Variants in MTUS2 observed in about 807,000 individuals in gnomAD.
The protein encoded by MTUS2 is microtubule-associated tumor suppressor candidate 2.
A neutral mutation model predicts 114.1 loss-of-function variants in MTUS2; 40 were observed. That is an observed-to-expected ratio of 0.35 (90% CI 0.27 to 0.46). The LOEUF (loss-of-function observed/expected upper bound fraction) is 0.46, where lower values mean the gene tolerates loss of function less well. Among genes scored for constraint, MTUS2 ranks in the 20% least tolerant of loss-of-function variants. MTUS2 has a pLI of 1.00. For synonymous variants in MTUS2, 688 were observed against 672.0 expected, an observed-to-expected ratio of 1.02 and a Z score of -0.37; for missense variants, 1,679 against 1,705.4, an observed-to-expected ratio of 0.98 and a Z score of 0.27.
intron 9 of MTUS2, among the ~76,000 whole-genome samples, chr13:29,456,954 G>A (rs1035255875): frequency 4.0e-5 from 6 of 151,576 alleles, no homozygotes; most frequent in East Asian, 1.9e-4. Flanking sequence ...TGGCTAACAT[G>A]GTGAAACCCC....
chr13:29,232,316 ACACACACG>A lies in MTUS2; in HGVS notation c.2645-49381_2645-49374del, dbSNP rs1566080991. Among the ~76,000 whole-genome samples, 21 of 20,658 alleles carry A rather than the reference ACACACACG, an allele frequency of 1.0e-3. No individual in the cohort carries two copies. The East Asian group carries it at 0.014, about 13-fold the overall frequency. 13.6% of individuals were successfully genotyped at this position (20,658 alleles called of 152,430 possible). ...CACACACGCGCGCGCGCACACACAC[ACACACACG>A]CACACATACACATATGGGCACACAC... On this transcript the variant is annotated intron_variant, in intron 5 of 15. Transcript: ENST00000612955.
intron 5 of MTUS2, among the ~76,000 whole-genome samples, chr13:29,206,094 A>C (rs1895173965): frequency 6.6e-6 from 1 of 152,090 alleles, no homozygotes; most frequent in African/African-American, 2.4e-5. Flanking sequence ...TTTTTTGATT[A>C]TGGCCGTTCT....
intron 2 of MTUS2, among the ~76,000 whole-genome samples, chr13:28,996,396 G>A (rs1307313870): frequency 6.6e-6 from 1 of 152,166 alleles, no homozygotes; most frequent in Non-Finnish European, 1.5e-5. Context: ...TTGGTATCAG[G>A]ATGATGCTGG....
At chr13:29,307,041 T>C (rs1370074449) in intron 6 of MTUS2, 5 of 520,062 alleles carry the variant, frequency 9.6e-6, no homozygotes, top group Non-Finnish European at 1.9e-5. Context: ...TCAAATGGGG[T>C]GATGCTGGCA....
intron 5 of MTUS2, among the ~76,000 whole-genome samples, chr13:29,181,788 C>CTGTG (rs34853883): frequency 0.031 from 4,565 of 146,784 alleles, 133 homozygotes; most frequent in African/African-American, 0.085. Flanking sequence ...TTATATACTA[C>CTGTG]TGTGTGTGTG....
intron 2 of MTUS2, among the ~76,000 whole-genome samples, chr13:29,021,771 G>A (rs2138464118): frequency 6.6e-6 from 1 of 152,318 alleles, no homozygotes; most frequent in East Asian, 1.9e-4. Context: ...TAGAGAACAT[G>A]TGTATCTTCA....
chr13:29,234,374 A>G (rs1247498444), intron 5 of MTUS2, among the ~76,000 whole-genome samples: 1 of 152,070 alleles, frequency 6.6e-6, no homozygotes, highest in Non-Finnish European at 1.5e-5. Context: ...TTTGTAAGAG[A>G]TTATCTTACA....
chr13:29,292,086 T>C (rs536974275), intron 6 of MTUS2, among the ~76,000 whole-genome samples: 1 of 152,370 alleles, frequency 6.6e-6, no homozygotes, highest in African/African-American at 2.4e-5. Flanking sequence ...CAGATTGTAG[T>C]TAAATCCCAA....
intron 5 of MTUS2, among the ~76,000 whole-genome samples, chr13:29,191,314 T>TTA (rs1555249380): frequency 1.3e-5 from 2 of 151,824 alleles, no homozygotes; most frequent in Non-Finnish European, 2.9e-5. Context: ...TACCATTTTT[T>TTA]TATATATATA....
At chr13:29,488,417 C>T (rs73154418) in intron 11 of MTUS2, among the ~76,000 whole-genome samples, 1 of 148,202 alleles carries the variant, frequency 6.7e-6, no homozygotes, top group African/African-American at 2.5e-5. Context: ...GCATGGAAAT[C>T]GTGCACTTTT....
chr13:29,012,600 G>A (rs1347701719), intron 2 of MTUS2, among the ~76,000 whole-genome samples: 1 of 151,556 alleles, frequency 6.6e-6, no homozygotes, highest in Non-Finnish European at 1.5e-5. Flanking sequence ...CAGCCCGGGC[G>A]GGGTGGCCCA....
chr13:29,183,366 G>T lies in MTUS2; in HGVS notation c.2644+82396G>T, dbSNP rs183902556. Among the ~76,000 whole-genome samples, 40 of 152,214 alleles carry T rather than the reference G, an allele frequency of 2.6e-4. No homozygotes were observed. The East Asian group carries it at 4.6e-3, about 18-fold the overall frequency. ...ATGGAGATGAGGAAAACAGCAGGGG[G>T]AACAGGTTAGGAGATTCATTTGGGG... On this transcript the variant is annotated intron_variant, in intron 5 of 15. Coordinates refer to ENST00000612955, the MANE Select transcript of MTUS2 (RefSeq NM_001033602.4).
intron 9 of MTUS2, among the ~76,000 whole-genome samples, chr13:29,472,785 A>G (rs1045556346): frequency 2.0e-5 from 3 of 152,238 alleles, no homozygotes; most frequent in African/African-American, 7.2e-5. Context: ...AAATTGTGTT[A>G]CACGAACATG....
At chr13:28,935,929 T>C (rs1336452740) in intron 2 of MTUS2, among the ~76,000 whole-genome samples, 1 of 152,142 alleles carries the variant, frequency 6.6e-6, no homozygotes, top group East Asian at 1.9e-4. Context: ...AAACTTTTTG[T>C]AGAGATGGGA....
intron 4 of MTUS2, among the ~76,000 whole-genome samples, chr13:29,067,537 A>G (rs1040362597): frequency 3.3e-5 from 5 of 152,194 alleles, no homozygotes; most frequent in African/African-American, 1.2e-4. Flanking sequence ...GTGGGAGTGG[A>G]AGTCACATAT....
chr13:29,154,396 T>C (rs1056326708), intron 5 of MTUS2, among the ~76,000 whole-genome samples: 8 of 152,174 alleles, frequency 5.3e-5, no homozygotes, highest in Admixed American at 6.6e-5. Context: ...TTCATTGTCT[T>C]CCTGGAAATA....
chr13:29,251,516 C>T (rs1897123747), intron 5 of MTUS2, among the ~76,000 whole-genome samples: 1 of 152,122 alleles, frequency 6.6e-6, no homozygotes, highest in Non-Finnish European at 1.5e-5. Flanking sequence ...CCACCATCTA[C>T]CTCGACGTTC....
chr13:29,186,366 A>C (rs768760582), intron 5 of MTUS2, among the ~76,000 whole-genome samples: 1 of 152,260 alleles, frequency 6.6e-6, no homozygotes, highest in Non-Finnish European at 1.5e-5. Flanking sequence ...TATGCTATCT[A>C]TAAGATACAC....
chr13:29,187,182 C>A (rs1057268994), intron 5 of MTUS2, among the ~76,000 whole-genome samples: 7 of 151,092 alleles, frequency 4.6e-5, no homozygotes, highest in African/African-American at 1.7e-4. Flanking sequence ...AATGACTTTT[C>A]ACACTTAGAA....
Sources: allele counts gnomAD v4.1 joint callset (sites outside exome capture counted in the v4.1 genomes callset), GRCh38; gene constraint gnomAD v4.1.1; transcripts MANE v1.5; gene names NCBI Gene and HGNC (gene_info 2026-07-23, HGNC 2026-07-21).